Variants in PLEKHA4 observed in about 807,000 individuals in gnomAD.
PLEKHA4 encodes the protein pleckstrin homology domain-containing family A member 4.
A neutral mutation model predicts 94.7 loss-of-function variants in PLEKHA4; 73 were observed. That is an observed-to-expected ratio of 0.77 (90% CI 0.64 to 0.94). PLEKHA4 has a LOEUF of 0.94. PLEKHA4 is among the 40% of genes least tolerant of loss of function. The pLI is 0.00. For missense variants in PLEKHA4, 1,049 were observed against 1,054.1 expected (o/e 1.00, Z 0.07); for synonymous variants, 449 against 437.1 (o/e 1.03, Z -0.34).
intron 6 of PLEKHA4, 21 bp from the exon 7 acceptor site, chr19:48,859,705 A>C (rs556513915): frequency 1.8e-5 from 28 of 1,599,354 alleles, no homozygotes; most frequent in Admixed American, 6.7e-5. Flanking sequence ...GACATAGACA[A>C]GATATCACTC....
intron 3 of PLEKHA4, 106 bp from the exon 4 acceptor site, chr19:48,861,798 G>A (rs1414078111): frequency 8.7e-6 from 9 of 1,037,580 alleles, no homozygotes; most frequent in Non-Finnish European, 1.3e-5. Flanking sequence ...GAAACTTGGA[G>A]AGAGGAGAAC....
intron 14 of PLEKHA4, among the ~76,000 whole-genome samples, 176 bp downstream of exon 14, chr19:48,847,724 T>C (rs928685215): frequency 6.6e-6 from 1 of 152,080 alleles, no homozygotes; most frequent in African/African-American, 2.4e-5. Flanking sequence ...AGAGTGAGAC[T>C]ACGTCTCAAA....
intron 3 of PLEKHA4, 147 bp downstream of exon 3, chr19:48,865,356 T>C (rs12151238): frequency 0.13 from 74,775 of 594,084 alleles, 5,750 homozygotes; most frequent in Non-Finnish European, 0.16. Context: ...AATAAATAAA[T>C]AAACAAACAA....
intron 3 of PLEKHA4, among the ~76,000 whole-genome samples, chr19:48,864,929 A>G (rs1193827499): frequency 1.3e-5 from 2 of 152,042 alleles, no homozygotes; most frequent in East Asian, 3.9e-4. Context: ...TTATTTACTA[A>G]TTTATTATCC....
intron 2 of PLEKHA4, 76 bp from the exon 3 acceptor site, chr19:48,865,686 C>G: frequency 1.0e-6 from 1 of 982,732 alleles, no homozygotes; most frequent in Non-Finnish European, 1.6e-6. Flanking sequence ...TGGACACAGG[C>G]AACCGTAGGC....
At chr19:48,839,865 G>A (rs113777014) in intron 17 of PLEKHA4, among the ~76,000 whole-genome samples, 15 of 151,794 alleles carry the variant, frequency 9.9e-5, no homozygotes, top group African/African-American at 2.7e-4. Context: ...TTGGGAGGCC[G>A]AGGTGAGCAG....
chr19:48,842,177 C>CT (rs1446893155), intron 16 of PLEKHA4, among the ~76,000 whole-genome samples: 2 of 143,680 alleles, frequency 1.4e-5, no homozygotes, highest in Non-Finnish European at 3.0e-5. Flanking sequence ...CAGAGTCTCG[C>CT]TTTGTCACCT....
chr19:48,853,119 T>C (rs186202839), intron 12 of PLEKHA4, among the ~76,000 whole-genome samples: 259 of 152,324 alleles, frequency 1.7e-3, no homozygotes, highest in African/African-American at 5.8e-3. Flanking sequence ...CAGATAATAA[T>C]TATAGCTGAC....
At chr19:48,839,788 G>A (rs764968264) in intron 17 of PLEKHA4, among the ~76,000 whole-genome samples, 8 of 151,838 alleles carry the variant, frequency 5.3e-5, no homozygotes, top group Non-Finnish European at 1.0e-4. Flanking sequence ...CCTGTGACTT[G>A]TCTAAATCCT....
chr19:48,853,296 T>G (rs889950923), intron 12 of PLEKHA4, among the ~76,000 whole-genome samples: 1 of 152,046 alleles, frequency 6.6e-6, no homozygotes, highest in Admixed American at 6.6e-5. Context: ...TTTGGGAGGC[T>G]GAGGCAGGCT....
intron 5 of PLEKHA4, among the ~76,000 whole-genome samples, chr19:48,860,746 C>T (rs572632598): frequency 1.3e-4 from 20 of 150,630 alleles, no homozygotes; most frequent in Admixed American, 1.2e-3. Context: ...TGCACGCCAG[C>T]CTGGGTGACA....
chr19:48,848,489 A>AC (rs1310784168), intron 13 of PLEKHA4, among the ~76,000 whole-genome samples: 4 of 143,690 alleles, frequency 2.8e-5, no homozygotes, highest in Non-Finnish European at 4.6e-5. Flanking sequence ...CCGTCTCAAA[A>AC]AAAAAAAAAA....
intron 9 of PLEKHA4, among the ~76,000 whole-genome samples, chr19:48,855,528 C>T (rs937063513): frequency 6.6e-6 from 1 of 151,814 alleles, no homozygotes; most frequent in African/African-American, 2.4e-5. Context: ...CACTTGAACC[C>T]GGGAGGCAGA....
At chr19:48,856,892 C>A in intron 9 of PLEKHA4, among the ~76,000 whole-genome samples, 1 of 68,442 alleles carries the variant, frequency 1.5e-5, no homozygotes. Flanking sequence ...GAGAGAGACC[C>A]CGTCTCAAAA....
At chr19:48,851,637 GT>G (rs549816441) in intron 13 of PLEKHA4, among the ~76,000 whole-genome samples, 2 of 150,198 alleles carry the variant, frequency 1.3e-5, no homozygotes, top group Non-Finnish European at 3.0e-5. Context: ...AAAAAAAAAT[GT>G]TGTAAAATTA....
chr19:48,860,445 G>C lies in PLEKHA4; in HGVS notation c.381C>G (p.Gly127=). The C allele has an allele frequency of 6.2e-7, 1 of 1,613,974 alleles. No individual in the cohort carries two copies. Among genetic ancestry groups the C allele is most frequent in the South Asian group, 1.1e-5 (1 of 91,080 alleles). ...CAGCGGCCAAAACGTAGGTCCTCATGCCCGGGTGCTCTGCCTGCGGGAAGA... is the reference window on the plus strand; with the variant it reads ...CAGCGGCCAAAACGTAGGTCCTCATCCCCGGGTGCTCTGCCTGCGGGAAGA... The part of the protein sequence containing the change: ...RRFTFTAEHP[G]MRTYVLAADT... Residue 127 remains glycine (G), a synonymous_variant, in exon 6 of 20, where the codon GGC becomes GGG. Coordinates refer to ENST00000263265, the MANE Select transcript of PLEKHA4 (RefSeq NM_020904.3).
chr19:48,839,514 T>A (rs1452689036), intron 17 of PLEKHA4, among the ~76,000 whole-genome samples: 1 of 152,108 alleles, frequency 6.6e-6, no homozygotes, highest in Non-Finnish European at 1.5e-5. Flanking sequence ...TTCCCAGGCT[T>A]GGACTAATCC....
At chr19:48,866,932 C>G (rs963279339) in intron 2 of PLEKHA4, among the ~76,000 whole-genome samples, 5 of 152,188 alleles carry the variant, frequency 3.3e-5, no homozygotes, top group Admixed American at 3.3e-4. Flanking sequence ...CTGATGCCCA[C>G]AGATATCTCA....
chr19:48,839,991 C>G (rs78242103), intron 17 of PLEKHA4, among the ~76,000 whole-genome samples: 3 of 151,836 alleles, frequency 2.0e-5, no homozygotes, highest in African/African-American at 7.3e-5. Context: ...GCCTGTAATC[C>G]CAGCCACTTG....
Sources: gnomAD v4.1 joint callset for allele counts (sites outside exome capture counted in the v4.1 genomes callset) on GRCh38, gnomAD v4.1.1 for gene constraint, MANE v1.5 for transcripts, NCBI Gene and HGNC (gene_info 2026-07-23, HGNC 2026-07-21) for gene names.